The following ZFR2 variants were observed in gnomAD, a reference collection of about 807,000 sequenced individuals.
ZFR2 encodes the protein zinc finger RNA-binding protein 2.
A neutral mutation model predicts 105.7 loss-of-function variants in ZFR2; 104 were observed. The ratio of observed to expected loss-of-function variants is 0.98; its 90% CI spans 0.84 to 1.16. The LOEUF (loss-of-function observed/expected upper bound fraction) is 1.16, where lower values mean the gene tolerates loss of function less well. Among genes scored for constraint, ZFR2 ranks in the 50% most tolerant of loss-of-function variants. The pLI is 0.00. For synonymous variants in ZFR2, 634 were observed against 597.7 expected (o/e 1.06, Z -0.89); for missense variants, 1,425 against 1,355.5 (o/e 1.05, Z -0.80).
Position 3,868,957 on chromosome 19 carries a change from G to A in ZFR2, c.53+8C>T. On this transcript the variant is annotated splice_region_variant and intron_variant, in intron 1 of 18. Transcript: ENST00000262961. Reference sequence around the variant, plus strand: ...GACTGGCGGGGGCTGGCGCGGCGGGGCAGTTACCTGTACTGCGGGCCGCCG... The same window carrying A: ...GACTGGCGGGGGCTGGCGCGGCGGGACAGTTACCTGTACTGCGGGCCGCCG... 2 of 1,313,946 alleles carry A rather than the reference G, an allele frequency of 1.5e-6. No homozygotes were observed. Among genetic ancestry groups the A allele is most frequent in the South Asian group, 2.4e-5 (1 of 42,552 alleles). 81.4% of individuals were successfully genotyped at this position (1,313,946 alleles called of 1,614,324 possible). A position where few individuals can be genotyped will look rare whatever the true frequency, so the allele number is the denominator to read the frequency against.
chr19:3,810,644 C>T lies in ZFR2; in HGVS notation c.2433+106G>A, dbSNP rs1262927208. On this transcript the variant is annotated intron_variant, in intron 16 of 18. Transcript: ENST00000262961. ...CCTCTCCTGAGTACTAGGTCTCCCG[C>T]CGGCTCCTTCGAGGGAAAAGGTCTG... 11 of 1,131,430 alleles carry T rather than the reference C, an allele frequency of 9.7e-6. No individual in the cohort carries two copies. In the Middle Eastern group the frequency reaches 9.1e-4, roughly 94 times the overall value. 70.1% of individuals were successfully genotyped at this position (1,131,430 alleles called of 1,614,324 possible). A position where few individuals can be genotyped will look rare whatever the true frequency, so the allele number is the denominator to read the frequency against.
In ZFR2 at chr19:3,869,036, C is replaced by G; in HGVS notation, c.-19G>C. On this transcript the variant is annotated 5_prime_UTR_variant, in exon 1 of 19. Transcript: ENST00000262961. The stretch of plus-strand genomic sequence containing the variant: ...TCGCCATCTTGGCGTCTTCCCCGAG[C>G]CTGGCGGACCCGCGACGTCACCCGC... 2 of 1,340,808 alleles carry G rather than the reference C, an allele frequency of 1.5e-6. No individual in the cohort carries two copies. The highest frequency in any genetic ancestry group is 1.9e-6 in the Non-Finnish European group (2 of 1,037,626). 83.1% of individuals were successfully genotyped at this position (1,340,808 alleles called of 1,614,324 possible).
chr19:3,822,082 C>A lies in ZFR2; in HGVS notation c.1490G>T (p.Arg497Leu). The A allele has an allele frequency of 3.1e-6, 5 of 1,599,684 alleles. No homozygotes were observed. Among genetic ancestry groups the A allele is most frequent in the Non-Finnish European group, 4.3e-6 (5 of 1,174,334 alleles). Residue 497 changes from arginine (R) to leucine (L), a missense_variant and splice_region_variant, in exon 9 of 19, where the codon CGG becomes CTG. Transcript: ENST00000262961. Reference protein sequence around the residue: ...VRGRRHRLQYRKKVNPDLPIA... With the variant: ...VRGRRHRLQYLKKVNPDLPIA... ...CGGAGCTCCCCCTGCTGGACGCACC[C>A]GGTACTGCAGCCGGTGCCGCCGCCC...
intron 3 of ZFR2, among the ~76,000 whole-genome samples, chr19:3,832,948 G>A (rs1233215768): frequency 1.3e-5 from 2 of 150,598 alleles, no homozygotes. Context: ...CCTCTAGGAT[G>A]GTTAACATGT....
chr19:3,820,756 A>AACACCAGGGGACAGAGG (rs1348717247), intron 10 of ZFR2, among the ~76,000 whole-genome samples: 2 of 80,312 alleles, frequency 2.5e-5, no homozygotes, highest in Non-Finnish European at 5.4e-5. Flanking sequence ...GAGACACAGG[A>AACACCAGGGGACAGAGG]ACACCAGGGG....
chr19:3,827,722 G>A lies in ZFR2; in HGVS notation c.853-69C>T, dbSNP rs983582611. 3.3e-6 allele frequency: 5 copies of A among 1,526,248 alleles called. No homozygotes were observed. In the African/African-American group the frequency reaches 7.0e-5, roughly 21 times the overall value. The allele number at this position is 1,526,248 out of a possible 1,614,324, so 94.5% of individuals were successfully genotyped here. A position where few individuals can be genotyped will look rare whatever the true frequency, so the allele number is the denominator to read the frequency against. On this transcript the variant is annotated intron_variant, in intron 5 of 18. Coordinates refer to ENST00000262961, the MANE Select transcript of ZFR2 (RefSeq NM_015174.2). ...CTGGCCACTGTCCCCTCCCCTGCAGGCCCCCGGCTTAGCGCGAGGGAACTC... is the reference window on the plus strand; with the variant it reads ...CTGGCCACTGTCCCCTCCCCTGCAGACCCCCGGCTTAGCGCGAGGGAACTC...
intron 1 of ZFR2, among the ~76,000 whole-genome samples, chr19:3,847,523 C>G (rs908995258): frequency 6.7e-5 from 10 of 149,820 alleles, no homozygotes; most frequent in African/African-American, 2.5e-4. Flanking sequence ...GACTCCTTCT[C>G]AAAAGAAAAA....
At position 3,855,648 on chromosome 19, in the gene ZFR2, G is replaced by C. The variant is rs1253807924; in HGVS notation, c.53+13317C>G. ...ATGCCGCCGGGAAGGACGCGGCAAG[G>C]GGGTGTGAGCAGGGGGTTGCACTTT... On this transcript the variant is annotated intron_variant, in intron 1 of 18. Coordinates refer to ENST00000262961, the MANE Select transcript of ZFR2 (RefSeq NM_015174.2). The C allele has an allele frequency of 2.0e-5, 8 of 399,918 alleles. No homozygotes were observed. The East Asian group carries it at 2.9e-4, about 15-fold the overall frequency. The allele number at this position is 399,918 out of a possible 1,614,324, so 24.8% of individuals were successfully genotyped here.
chr19:3,821,409 C>A lies in ZFR2; in HGVS notation c.1562G>T (p.Arg521Leu). Residue 521 changes from arginine to leucine, a missense_variant, in exon 10 of 19, where the codon CGC (arginine) becomes CTC (leucine). By Grantham distance (102) the Arg-to-Leu change is moderately radical. Transcript: ENST00000262961. ...SSRARKVLEE[R>L]MRKQRHLAEE... ...CGCCAGGTGCCGCTGCTTCCTCATG[C>A]GCTCCTCCAGGACCTTCCGAGCCCG... 5 of 1,611,666 alleles carry A rather than the reference C, an allele frequency of 3.1e-6. No individual in the cohort carries two copies. Among genetic ancestry groups the A allele is most frequent in the Non-Finnish European group, 4.2e-6 (5 of 1,179,278 alleles).
intron 17 of ZFR2, 126 bp from the exon 18 acceptor site, chr19:3,807,395 G>T (rs1240862943): frequency 7.5e-6 from 5 of 669,694 alleles, no homozygotes; most frequent in East Asian, 5.6e-5. Context: ...TGCAGCCGTG[G>T]CACCTCTGAC....
At chr19:3,859,834 C>A (rs2038352233) in intron 1 of ZFR2, among the ~76,000 whole-genome samples, 1 of 152,204 alleles carries the variant, frequency 6.6e-6, no homozygotes, top group Admixed American at 6.5e-5. Context: ...GTTTTATATT[C>A]AAAATGCATC....
intron 1 of ZFR2, among the ~76,000 whole-genome samples, chr19:3,849,586 G>A (rs146484248): frequency 2.6e-5 from 4 of 152,342 alleles, no homozygotes; most frequent in African/African-American, 7.2e-5. Flanking sequence ...AAGAACTGAT[G>A]GTCTAGGACA....
Position 3,825,234 on chromosome 19 carries a change from G to A in ZFR2, c.1209C>T (p.Cys403=), listed in dbSNP as rs561205889. The A allele has an allele frequency of 5.9e-6, 9 of 1,536,562 alleles. No individual in the cohort carries two copies. The highest frequency in any genetic ancestry group is 1.7e-4 in the Middle Eastern group (1 of 5,748). Residue 403 remains cysteine, a synonymous_variant, in exon 7 of 19, where the codon TGC becomes TGT. Coordinates refer to ENST00000262961, the MANE Select transcript of ZFR2 (RefSeq NM_015174.2). ...CACGCATACAGACACACGTACCCTC[G>A]CATAAGGCCTTCGAGGCCACGGGTC... ...AKRPVASKAL[C]EGPPEPQAAG...
rs1184814211 is a variant in ZFR2, at chr19:3,821,384, C to T, written c.1587G>A (p.Ala529=). The T allele has an allele frequency of 6.2e-7, 1 of 1,610,018 alleles. No homozygotes were observed. The highest frequency in any genetic ancestry group is 8.5e-7 in the Non-Finnish European group (1 of 1,178,868). Residue 529 remains alanine, a synonymous_variant, in exon 10 of 19, where the codon GCG becomes GCA. Coordinates refer to ENST00000262961, the MANE Select transcript of ZFR2 (RefSeq NM_015174.2). ...GCCGCAGCTGCTCCAGCCGCTCCTC[C>T]GCCAGGTGCCGCTGCTTCCTCATGC... ...EERMRKQRHL[A]EERLEQLRRW...
At position 3,804,208 on chromosome 19, in the gene ZFR2, GAAAAA is replaced by G. The variant is rs1019763026; in HGVS notation, c.*1736_*1740del. Reference sequence around the variant, plus strand: ...CAATGCCACTGGGCAGCTGGCCAAAGAAAAAAAAACTGACCAAGCGGAAGGTTTGA... The same window carrying G: ...CAATGCCACTGGGCAGCTGGCCAAAGAAAACTGACCAAGCGGAAGGTTTGA... On this transcript the variant is annotated 3_prime_UTR_variant, in exon 19 of 19. Transcript: ENST00000262961. 1 of 151,450 alleles carries G rather than the reference GAAAAA, an allele frequency of 6.6e-6. No individual in the cohort carries two copies. The highest frequency in any genetic ancestry group is 1.5e-5 in the Non-Finnish European group (1 of 67,906). 9.4% of individuals were successfully genotyped at this position (151,450 alleles called of 1,614,324 possible).
chr19:3,807,243 C>A lies in ZFR2; in HGVS notation c.2572G>T (p.Glu858Ter). The stretch of plus-strand genomic sequence containing the variant: ...TCGAGGGCATCTGTCTGGTCTCTCT[C>A]GCAGGGATCCTGGAGCCCGGGCCCG... ...TDGPGLQDPC[E>*]RDQTDALEPM... Residue 858 changes from glutamate (E) to a stop codon, truncating the protein, a stop_gained, in exon 18 of 19, where the codon GAG (glutamate) becomes TAG (stop). Transcript: ENST00000262961. LOFTEE classifies it high-confidence loss of function. 6.4e-7 allele frequency: 1 copy of A among 1,560,520 alleles called. No homozygotes were observed. Among genetic ancestry groups the A allele is most frequent in the South Asian group, 1.2e-5 (1 of 84,796 alleles).
At chr19:3,826,536 A>G (rs2037952370) in intron 6 of ZFR2, among the ~76,000 whole-genome samples, 1 of 151,908 alleles carries the variant, frequency 6.6e-6, no homozygotes, top group Admixed American at 6.6e-5. Flanking sequence ...ACCGGGTTCA[A>G]GCAATTCTCC....
rs60712587 is a variant in ZFR2, at chr19:3,839,536, CAAAAAAAAAAAAAAAAAAAAA to C, written c.54-4574_54-4554del. ...CCTGGGTGACAGAGCGGGATTCTGTCAAAAAAAAAAAAAAAAAAAAAAAAAAAAAAAAAAAAAAAAAAGCAG... is the reference window on the plus strand; with the variant it reads ...CCTGGGTGACAGAGCGGGATTCTGTCAAAAAAAAAAAAAAAAAAAAAGCAG... On this transcript the variant is annotated intron_variant, in intron 1 of 18. Transcript: ENST00000262961. Among the ~76,000 whole-genome samples, 61 of 36,640 alleles carry C rather than the reference CAAAAAAAAAAAAAAAAAAAAA, an allele frequency of 1.7e-3. 2 individuals are homozygous for C. The highest frequency in any genetic ancestry group is 7.5e-3 in the East Asian group (7 of 934). 24.0% of individuals were successfully genotyped at this position (36,640 alleles called of 152,430 possible).
chr19:3,839,033 G>A (rs1050347624), intron 1 of ZFR2, among the ~76,000 whole-genome samples: 1 of 152,066 alleles, frequency 6.6e-6, no homozygotes, highest in South Asian at 2.1e-4. Context: ...ACCAGAAATC[G>A]GCAGCTCTAC....
Sources: allele counts gnomAD v4.1 joint callset (sites outside exome capture counted in the v4.1 genomes callset), GRCh38; gene constraint gnomAD v4.1.1; transcripts MANE v1.5; gene names NCBI Gene and HGNC (gene_info 2026-07-23, HGNC 2026-07-21).